Variants in ERBB4 observed in about 807,000 individuals in gnomAD.
The protein encoded by ERBB4 is receptor tyrosine-protein kinase erbB-4.
Under a neutral mutation model 158.0 loss-of-function variants are expected in ERBB4, and 42 were observed. The ratio of observed to expected loss-of-function variants is 0.27; its 90% CI spans 0.21 to 0.34. The LOEUF (loss-of-function observed/expected upper bound fraction) is 0.34, where lower values mean the gene tolerates loss of function less well. Among genes scored for constraint, ERBB4 ranks in the 10% least tolerant of loss-of-function variants. ERBB4 has a pLI of 1.00. For missense variants in ERBB4, 1,333 were observed against 1,624.1 expected, an observed-to-expected ratio of 0.82 and a Z score of 3.08; for synonymous variants, 583 against 558.7, an observed-to-expected ratio of 1.04 and a Z score of -0.61.
intron 1 of ERBB4, among the ~76,000 whole-genome samples, chr2:212,187,483 TATATTGACATGTATTGACA>T (rs1230713471): frequency 2.6e-5 from 4 of 151,730 alleles, no homozygotes; most frequent in African/African-American, 9.6e-5. Flanking sequence ...TTATACAAAT[TATATTGACATGTATTGACA>T]ATACATGTTA....
At chr2:211,551,859 C>T (rs1262978152) in intron 20 of ERBB4, among the ~76,000 whole-genome samples, 1 of 151,976 alleles carries the variant, frequency 6.6e-6, no homozygotes, top group African/African-American at 2.4e-5. Flanking sequence ...TTCTTGTCAC[C>T]CATAGTTACT....
chr2:211,911,389 T>C (rs1374021010), intron 3 of ERBB4, among the ~76,000 whole-genome samples: 1 of 152,074 alleles, frequency 6.6e-6, no homozygotes, highest in East Asian at 1.9e-4. Context: ...ACTCATCTTC[T>C]AGAGTAGCTG....
At chr2:212,357,895 T>G (rs757804134) in intron 1 of ERBB4, among the ~76,000 whole-genome samples, 5 of 151,912 alleles carry the variant, frequency 3.3e-5, no homozygotes, top group Non-Finnish European at 7.4e-5. Flanking sequence ...ATGGATTTCA[T>G]GGTGTCGGAT....
At chr2:211,872,445 C>CAATTTTCTTGT (rs2078376633) in intron 3 of ERBB4, among the ~76,000 whole-genome samples, 3 of 152,116 alleles carry the variant, frequency 2.0e-5, no homozygotes. Flanking sequence ...CTTGAGAACA[C>CAATTTTCTTGT]CAATTTTTCT....
chr2:211,824,363 T>A (rs1055992139), intron 3 of ERBB4, among the ~76,000 whole-genome samples: 3 of 152,028 alleles, frequency 2.0e-5, no homozygotes, highest in African/African-American at 7.2e-5. Context: ...TATGCAGTTC[T>A]GTTGTATGGT....
rs184430114 is a variant in ERBB4 at position 211,782,579 on chromosome 2, T to G, written c.556+5446A>C. On this transcript the variant is annotated intron_variant, in intron 4 of 27. Transcript: ENST00000342788. ...ATGTAAATAAGTTGCCCTCTAAAATTTAAGCAAATAGGAATATACAAGAAC... is the reference window on the plus strand; with the variant it reads ...ATGTAAATAAGTTGCCCTCTAAAATGTAAGCAAATAGGAATATACAAGAAC... 2.6e-4 allele frequency among the ~76,000 whole-genome samples: 40 copies of G among 152,252 alleles called. No individual in the cohort carries two copies. In the Middle Eastern group the frequency reaches 0.01, roughly 39 times the overall value.
intron 27 of ERBB4, among the ~76,000 whole-genome samples, chr2:211,384,377 A>G (rs1407790752): frequency 6.6e-6 from 1 of 152,206 alleles, no homozygotes; most frequent in Non-Finnish European, 1.5e-5. Flanking sequence ...TTTGTTTTCT[A>G]AAAGTTATTT....
intron 5 of ERBB4, among the ~76,000 whole-genome samples, chr2:211,744,745 A>C (rs1189239979): frequency 6.6e-6 from 1 of 152,204 alleles, no homozygotes; most frequent in African/African-American, 2.4e-5. Context: ...AGCACTGATA[A>C]GGTGTAGTCT....
chr2:211,777,532 G>A (rs932850999), intron 4 of ERBB4: 2 of 152,104 alleles, frequency 1.3e-5, no homozygotes, highest in African/African-American at 4.8e-5. Context: ...AAAGAAATTA[G>A]CATGGTTGAC....
At chr2:212,136,097 C>A (rs1365648146) in intron 1 of ERBB4, among the ~76,000 whole-genome samples, 1 of 152,178 alleles carries the variant, frequency 6.6e-6, no homozygotes, top group South Asian at 2.1e-4. Flanking sequence ...CACTGTGAGA[C>A]CTTTGCCATT....
chr2:212,386,910 C>A (rs1328244054), intron 1 of ERBB4, among the ~76,000 whole-genome samples: 1 of 152,050 alleles, frequency 6.6e-6, no homozygotes, highest in Admixed American at 6.6e-5. Flanking sequence ...TCTTATTCAT[C>A]TGTACATTTC....
intron 1 of ERBB4, among the ~76,000 whole-genome samples, chr2:212,281,681 A>G (rs752305514): frequency 2.6e-5 from 4 of 151,830 alleles, no homozygotes; most frequent in Non-Finnish European, 5.9e-5. Flanking sequence ...AAAGCCTTGA[A>G]GTCTCTATGG....
At chr2:212,155,387 C>A (rs1185417726) in intron 1 of ERBB4, among the ~76,000 whole-genome samples, 1 of 151,948 alleles carries the variant, frequency 6.6e-6, no homozygotes, top group Non-Finnish European at 1.5e-5. Flanking sequence ...CTTTGCAAAT[C>A]TTATTCTATA....
intron 1 of ERBB4, among the ~76,000 whole-genome samples, chr2:212,186,507 A>T (rs1029745539): frequency 1.6e-4 from 24 of 149,696 alleles, no homozygotes; most frequent in African/African-American, 5.7e-4. Flanking sequence ...ACAACCAGTA[A>T]ATCAGGATCT....
At chr2:211,707,261 C>T (rs574714824) in intron 9 of ERBB4, among the ~76,000 whole-genome samples, 1 of 152,186 alleles carries the variant, frequency 6.6e-6, no homozygotes, top group South Asian at 2.1e-4. Context: ...AGACTCAGGA[C>T]CCTTGTCAAA....
intron 4 of ERBB4, among the ~76,000 whole-genome samples, chr2:211,757,985 T>C (rs974167526): frequency 2.6e-5 from 4 of 152,176 alleles, no homozygotes; most frequent in Non-Finnish European, 4.4e-5. Flanking sequence ...TATAGAACTG[T>C]TTCTACATAT....
chr2:211,570,597 A>G (rs572440004), intron 19 of ERBB4, among the ~76,000 whole-genome samples: 2 of 151,142 alleles, frequency 1.3e-5, no homozygotes, highest in Non-Finnish European at 2.9e-5. Flanking sequence ...ACACCATTTT[A>G]CTCTGTTTCA....
chr2:212,374,106 A>AT (rs1339838988), intron 1 of ERBB4, among the ~76,000 whole-genome samples: 1 of 146,308 alleles, frequency 6.8e-6, no homozygotes, highest in African/African-American at 2.5e-5. Flanking sequence ...ATATATATAC[A>AT]CACACATATA....
intron 20 of ERBB4, among the ~76,000 whole-genome samples, chr2:211,469,763 G>A (rs1401448494): frequency 6.6e-6 from 1 of 152,122 alleles, no homozygotes; most frequent in African/African-American, 2.4e-5. Context: ...GTATAACTCA[G>A]GTACATAACT....
Sources: allele counts gnomAD v4.1 joint callset (sites outside exome capture counted in the v4.1 genomes callset), GRCh38; gene constraint gnomAD v4.1.1; transcripts MANE v1.5; gene names NCBI Gene and HGNC (gene_info 2026-07-23, HGNC 2026-07-21).